Variants in SCHIP1 observed in about 807,000 individuals in gnomAD.
SCHIP1 encodes schwannomin interacting protein 1.
Under a neutral mutation model 29.7 loss-of-function variants are expected in SCHIP1, and 8 were observed. The ratio of observed to expected loss-of-function variants is 0.27; its 90% CI spans 0.16 to 0.49. The LOEUF (loss-of-function observed/expected upper bound fraction) is 0.49, where lower values mean the gene tolerates loss of function less well. Among genes scored for constraint, SCHIP1 ranks in the 20% least tolerant of loss-of-function variants. The pLI, the probability that SCHIP1 is intolerant of heterozygous loss-of-function variation, is 0.99. For synonymous variants in SCHIP1, 76 were observed against 94.9 expected (o/e 0.80, Z 1.16); for missense variants, 193 against 294.6 (o/e 0.66, Z 2.52).
the SCHIP1 span, among the ~76,000 whole-genome samples, chr3:159,284,760 G>C: frequency 6.6e-6 from 1 of 152,042 alleles, no homozygotes; most frequent in Non-Finnish European, 1.5e-5. Context: ...GCCTCCCAAA[G>C]TGTTGGGATT....
At chr3:159,694,027 C>T in the SCHIP1 span, among the ~76,000 whole-genome samples, 521 of 152,020 alleles carry the variant, frequency 3.4e-3, 6 homozygotes, top group African/African-American at 0.012. Context: ...CACCTGTAGG[C>T]GAATATAGGT....
chr3:159,616,006 A>AC, the SCHIP1 span, among the ~76,000 whole-genome samples: 1 of 152,058 alleles, frequency 6.6e-6, no homozygotes, highest in Admixed American at 6.6e-5. Context: ...TGAGGCCTGC[A>AC]CCCCATCCCC....
the SCHIP1 span, among the ~76,000 whole-genome samples, chr3:159,445,499 C>T: frequency 6.6e-6 from 1 of 151,782 alleles, no homozygotes; most frequent in African/African-American, 2.4e-5. Context: ...ACTAGAAATA[C>T]CATTTGACCC....
At chr3:159,430,903 G>A in the SCHIP1 span, among the ~76,000 whole-genome samples, 1 of 152,012 alleles carries the variant, frequency 6.6e-6, no homozygotes, top group African/African-American at 2.4e-5. Flanking sequence ...ACAGAGCAGT[G>A]CTCCAAGCAG....
At chr3:159,808,981 C>CT in the SCHIP1 span, among the ~76,000 whole-genome samples, 9 of 100,286 alleles carry the variant, frequency 9.0e-5, no homozygotes, top group South Asian at 3.5e-4. Context: ...CTTTTTTTTT[C>CT]TTTCTTTTTT....
At chr3:159,609,265 A>C in the SCHIP1 span, among the ~76,000 whole-genome samples, 2 of 152,290 alleles carry the variant, frequency 1.3e-5, no homozygotes, top group Admixed American at 6.5e-5. Context: ...GGGGGGAAGC[A>C]CACGTGTGCA....
intron 2 of SCHIP1, among the ~76,000 whole-genome samples, chr3:159,871,179 G>C (rs1715218766): frequency 6.6e-6 from 1 of 151,800 alleles, no homozygotes; most frequent in African/African-American, 2.4e-5. Flanking sequence ...TTTGCTTTCT[G>C]CCCACCAATA....
At chr3:159,468,497 G>A in the SCHIP1 span, among the ~76,000 whole-genome samples, 2 of 151,332 alleles carry the variant, frequency 1.3e-5, no homozygotes, top group South Asian at 2.1e-4. Context: ...TCATTAAAAC[G>A]GTATTATTTG....
chr3:159,794,807 A>G, the SCHIP1 span, among the ~76,000 whole-genome samples: 1 of 152,216 alleles, frequency 6.6e-6, no homozygotes, highest in African/African-American at 2.4e-5. Context: ...AGGTCTCACC[A>G]CAAAGATGAC....
chr3:159,561,292 A>G, the SCHIP1 span, among the ~76,000 whole-genome samples: 1 of 152,230 alleles, frequency 6.6e-6, no homozygotes, highest in Non-Finnish European at 1.5e-5. Context: ...TACCTCTTTT[A>G]TAAGAGGCTA....
At chr3:159,526,566 G>A in the SCHIP1 span, among the ~76,000 whole-genome samples, 1 of 152,208 alleles carries the variant, frequency 6.6e-6, no homozygotes, top group African/African-American at 2.4e-5. Context: ...TGCTTCTGCT[G>A]ACTCCAACGC....
chr3:159,881,014 A>G (rs33050), intron 2 of SCHIP1, among the ~76,000 whole-genome samples: 111,664 of 152,122 alleles, frequency 0.73, 41,867 homozygotes, highest in East Asian at 0.99. Flanking sequence ...AAGGGAAAGG[A>G]GCAGAGTTTG....
the SCHIP1 span, among the ~76,000 whole-genome samples, chr3:159,568,993 C>T: frequency 6.6e-6 from 1 of 152,060 alleles, no homozygotes; most frequent in African/African-American, 2.4e-5. Context: ...CTCTGAAAAT[C>T]CTTTCTGCCC....
At chr3:159,446,599 A>G in the SCHIP1 span, among the ~76,000 whole-genome samples, 1 of 152,214 alleles carries the variant, frequency 6.6e-6, no homozygotes, top group Admixed American at 6.5e-5. Flanking sequence ...GTAATACAAT[A>G]CAATAAGGCA....
At chr3:159,778,461 T>C in the SCHIP1 span, among the ~76,000 whole-genome samples, 1 of 152,310 alleles carries the variant, frequency 6.6e-6, no homozygotes, top group East Asian at 1.9e-4. Flanking sequence ...GCTATTCATT[T>C]TTCAAGAAAT....
At chr3:159,419,992 T>C in the SCHIP1 span, among the ~76,000 whole-genome samples, 1 of 152,164 alleles carries the variant, frequency 6.6e-6, no homozygotes, top group South Asian at 2.1e-4. Context: ...CTGCCTATTG[T>C]CTGAAAACTT....
chr3:159,314,493 A>C, the SCHIP1 span, among the ~76,000 whole-genome samples: 6 of 152,332 alleles, frequency 3.9e-5, no homozygotes, highest in South Asian at 1.2e-3. Context: ...GAGAGGAAGC[A>C]TGCTCTTGTT....
At chr3:159,569,489 A>G in the SCHIP1 span, among the ~76,000 whole-genome samples, 4 of 152,182 alleles carry the variant, frequency 2.6e-5, no homozygotes, top group South Asian at 8.3e-4. Context: ...CCTGCAAAGG[A>G]CATGAACTCA....
the SCHIP1 span, among the ~76,000 whole-genome samples, chr3:159,297,118 A>G: frequency 2.2e-5 from 3 of 136,088 alleles, no homozygotes; most frequent in Admixed American, 2.3e-4. Context: ...AGGCTGAGTA[A>G]TATTCCATTG....
Sources: gnomAD v4.1 joint callset for allele counts (sites outside exome capture counted in the v4.1 genomes callset) on GRCh38, gnomAD v4.1.1 for gene constraint, MANE v1.5 for transcripts, NCBI Gene and HGNC (gene_info 2026-07-23, HGNC 2026-07-21) for gene names.